The following WDR19 variants were observed in gnomAD, a reference collection of about 807,000 sequenced individuals.
WDR19 encodes WD repeat domain 19.
A neutral mutation model predicts 180.0 loss-of-function variants in WDR19; 121 were observed. The observed-to-expected ratio is 0.67, with a 90% CI of 0.58 to 0.78. The LOEUF (loss-of-function observed/expected upper bound fraction) is 0.78. WDR19 is among the 30% of genes least tolerant of loss of function. The pLI is 0.00. For synonymous variants in WDR19, 497 were observed against 540.7 expected, an observed-to-expected ratio of 0.92 and a Z score of 1.12; for missense variants, 1,450 against 1,640.7, an observed-to-expected ratio of 0.88 and a Z score of 2.01.
At chr4:39,275,770 AGC>A (rs1471203512) in intron 33 of WDR19, among the ~76,000 whole-genome samples, 4 of 152,224 alleles carry the variant, frequency 2.6e-5, no homozygotes, top group African/African-American at 4.8e-5. Context: ...GGAGAGAAGC[AGC>A]GAACTATGTC....
rs1034899082 is a variant in WDR19 at position 39,257,422 on chromosome 4, A to G, written c.3115-64A>G. 9.7e-6 allele frequency: 14 copies of G among 1,440,020 alleles called. No homozygotes were observed. In the African/African-American group the frequency reaches 1.7e-4, roughly 17 times the overall value. 89.2% of individuals were successfully genotyped at this position (1,440,020 alleles called of 1,614,324 possible). The stretch of plus-strand genomic sequence containing the variant: ...TTACTTTGTGTTAAAGCTGTGTGAA[A>G]GCTTTGTTTTCCCTAATGTGAAAAC... On this transcript the variant is annotated intron_variant, in intron 27 of 36. Transcript: ENST00000399820.
chr4:39,247,645 C>T (rs4974932), intron 24 of WDR19, among the ~76,000 whole-genome samples: 68,512 of 151,978 alleles, frequency 0.45, 18,447 homozygotes, highest in East Asian at 0.62. Flanking sequence ...ATAACCAATG[C>T]AGAGAAGTCC....
intron 36 of WDR19, among the ~76,000 whole-genome samples, chr4:39,282,471 C>T (rs1343738105): frequency 3.9e-5 from 6 of 152,128 alleles, no homozygotes; most frequent in African/African-American, 4.8e-5. Context: ...AATCTCAGCT[C>T]GCTGCAACCT....
chr4:39,198,593 C>T (rs1299426691), intron 5 of WDR19, among the ~76,000 whole-genome samples: 4 of 142,068 alleles, frequency 2.8e-5, no homozygotes, highest in Non-Finnish European at 4.6e-5. Flanking sequence ...GAGCCAGGCA[C>T]GGTGACTCGC....
Position 39,234,882 on chromosome 4 carries a change from C to T in WDR19, c.2363+7C>T, listed in dbSNP as rs190180293. The T allele has an allele frequency of 1.6e-4, 248 of 1,542,156 alleles. No individual in the cohort carries two copies. The highest frequency in any genetic ancestry group is 1.1e-3 in the African/African-American group (79 of 73,036). ...CTATTCAGCTTGAATTCGCGTAAGT[C>T]TTTGTTTTTATACATTTCAGTCAGT... On this transcript the variant is annotated splice_region_variant and intron_variant, in intron 20 of 36. Transcript: ENST00000399820.
chr4:39,220,560 ATTTTT>A (rs142037096), intron 14 of WDR19, among the ~76,000 whole-genome samples: 953 of 64,312 alleles, frequency 0.015, 5 homozygotes, highest in African/African-American at 0.064. Flanking sequence ...GACCTCCTTG[ATTTTT>A]TTTTTTTTTT....
chr4:39,254,216 G>T (rs1345496540), intron 26 of WDR19, among the ~76,000 whole-genome samples, 186 bp downstream of exon 26: 1 of 152,128 alleles, frequency 6.6e-6, no homozygotes, highest in Non-Finnish European at 1.5e-5. Flanking sequence ...CTACTTCAAG[G>T]TGAGATGGTA....
intron 31 of WDR19, among the ~76,000 whole-genome samples, chr4:39,272,143 G>T (rs566934203): frequency 1.3e-5 from 2 of 152,312 alleles, no homozygotes; most frequent in South Asian, 4.1e-4. Flanking sequence ...CTGCAGACAT[G>T]AGTGGTGATT....
intron 5 of WDR19, among the ~76,000 whole-genome samples, chr4:39,197,442 A>AAAAG (rs1560482347): frequency 1.7e-4 from 24 of 145,398 alleles, no homozygotes; most frequent in Admixed American, 2.0e-4. Flanking sequence ...AAAAAAAAAA[A>AAAAG]AAAGAAAGAA....
chr4:39,235,375 C>T (rs970830005), intron 20 of WDR19, among the ~76,000 whole-genome samples: 5 of 152,108 alleles, frequency 3.3e-5, no homozygotes, highest in Non-Finnish European at 7.3e-5. Context: ...AGTGATCCTC[C>T]CAGCTCAGCC....
chr4:39,183,042 T>C (rs2381224), intron 1 of WDR19, among the ~76,000 whole-genome samples: 147,583 of 152,118 alleles, frequency 0.97, 71,742 homozygotes, highest in Middle Eastern at 1. Flanking sequence ...AAAGAATAAC[T>C]TCAAAATGTA....
intron 15 of WDR19, among the ~76,000 whole-genome samples, chr4:39,227,606 G>A (rs1374238230): frequency 6.6e-6 from 1 of 152,148 alleles, no homozygotes; most frequent in Non-Finnish European, 1.5e-5. Context: ...GTATAAGGGA[G>A]GGTGTACATA....
At chr4:39,196,250 T>C (rs891168561) in intron 5 of WDR19, among the ~76,000 whole-genome samples, 4 of 152,242 alleles carry the variant, frequency 2.6e-5, no homozygotes, top group African/African-American at 7.2e-5. Context: ...TCTCCTGATA[T>C]GAAATACTGT....
intron 28 of WDR19, among the ~76,000 whole-genome samples, chr4:39,264,877 C>A (rs1029698602): frequency 6.6e-6 from 1 of 151,936 alleles, no homozygotes; most frequent in Non-Finnish European, 1.5e-5. Flanking sequence ...CTGCTCAACA[C>A]CACCCAATAC....
chr4:39,202,736 A>G (rs1471356427), intron 6 of WDR19, among the ~76,000 whole-genome samples: 2 of 151,688 alleles, frequency 1.3e-5, no homozygotes, highest in Non-Finnish European at 2.9e-5. Flanking sequence ...TCTCATATTT[A>G]TGAGTTCTTT....
chr4:39,276,959 T>A (rs1034661555), intron 33 of WDR19, 61 bp from the exon 34 acceptor site: 1 of 1,601,438 alleles, frequency 6.2e-7, no homozygotes, highest in Admixed American at 1.7e-5. Flanking sequence ...ATGCTTTCTC[T>A]TTGCCATCCC....
intron 36 of WDR19, among the ~76,000 whole-genome samples, chr4:39,279,652 G>A (rs1042172395): frequency 6.7e-6 from 1 of 149,694 alleles, no homozygotes; most frequent in African/African-American, 2.5e-5. Context: ...GCACACAAGC[G>A]TTCGTCTCTC....
intron 9 of WDR19, among the ~76,000 whole-genome samples, chr4:39,210,180 G>C (rs1728344382): frequency 6.6e-6 from 1 of 152,078 alleles, no homozygotes; most frequent in Admixed American, 6.5e-5. Context: ...TATAAGGCTA[G>C]TATTACCTTT....
At chr4:39,266,391 G>A (rs573065567) in intron 29 of WDR19, among the ~76,000 whole-genome samples, 6 of 152,104 alleles carry the variant, frequency 3.9e-5, no homozygotes, top group Non-Finnish European at 7.4e-5. Context: ...AAAAAAAATC[G>A]CAAAAAAAAC....
Sources: gnomAD v4.1 joint callset for allele counts (sites outside exome capture counted in the v4.1 genomes callset) on GRCh38, gnomAD v4.1.1 for gene constraint, MANE v1.5 for transcripts, NCBI Gene and HGNC (gene_info 2026-07-23, HGNC 2026-07-21) for gene names.